Variants in ALG9 observed in about 807,000 individuals in gnomAD.
The protein encoded by ALG9 is ALG9 alpha-1,2-mannosyltransferase, also known as alpha-1,2-mannosyltransferase ALG9.
In ALG9, 55 loss-of-function variants were observed where a neutral mutation model predicts 81.8. The ratio of observed to expected loss-of-function variants is 0.67; its 90% CI spans 0.54 to 0.84. The LOEUF is 0.84. ALG9 is among the 40% of genes least tolerant of loss of function. ALG9 has a pLI of 0.00. For synonymous variants in ALG9, 278 were observed against 274.3 expected (o/e 1.01, Z -0.13); for missense variants, 629 against 745.0 (o/e 0.84, Z 1.81).
chr11:111,816,713 T>G (rs1302197760), intron 13 of ALG9, among the ~76,000 whole-genome samples: 5 of 152,134 alleles, frequency 3.3e-5, no homozygotes, highest in African/African-American at 1.2e-4. Context: ...TGTGCCACCA[T>G]GCCTGGCTAA....
chr11:111,773,337 C>T, the ALG9 span, among the ~76,000 whole-genome samples: 3 of 152,162 alleles, frequency 2.0e-5, no homozygotes, highest in East Asian at 5.8e-4. Context: ...TTCCACCTCC[C>T]GGGTCCAAGT....
chr11:111,792,343 G>A (rs1000443667), intron 14 of ALG9, among the ~76,000 whole-genome samples: 1 of 152,160 alleles, frequency 6.6e-6, no homozygotes, highest in Non-Finnish European at 1.5e-5. Flanking sequence ...AATGTTGGAT[G>A]GATGGAAGGA....
At chr11:111,851,035 T>C (rs531758665) in intron 8 of ALG9, among the ~76,000 whole-genome samples, 1 of 152,326 alleles carries the variant, frequency 6.6e-6, no homozygotes, top group Non-Finnish European at 1.5e-5. Context: ...AATGCCAATA[T>C]CCCAGGAAAG....
At chr11:111,811,871 G>GT (rs1178044387) in intron 13 of ALG9, among the ~76,000 whole-genome samples, 3 of 152,058 alleles carry the variant, frequency 2.0e-5, no homozygotes, top group East Asian at 1.9e-4. Flanking sequence ...ATGGGTATGG[G>GT]TTTTTTTGGG....
At chr11:111,845,619 C>A (rs1555128902) in intron 8 of ALG9, among the ~76,000 whole-genome samples, 1 of 152,164 alleles carries the variant, frequency 6.6e-6, no homozygotes, top group Non-Finnish European at 1.5e-5. Context: ...GAGAAACAGA[C>A]CCCCTCTGCA....
chr11:111,822,124 G>C (rs1445338492), intron 13 of ALG9, among the ~76,000 whole-genome samples: 5 of 152,180 alleles, frequency 3.3e-5, no homozygotes, highest in Non-Finnish European at 4.4e-5. Context: ...ATAATGCTCT[G>C]TGCTGGGCCC....
chr11:111,821,886 G>A (rs962318556), intron 13 of ALG9, among the ~76,000 whole-genome samples: 3 of 151,942 alleles, frequency 2.0e-5, no homozygotes, highest in South Asian at 2.1e-4. Flanking sequence ...CGCCTGCCTC[G>A]GCCTCCGAAA....
intron 1 of ALG9, chr11:111,870,885 G>A (rs1232768116): frequency 4.0e-6 from 4 of 999,124 alleles, no homozygotes; most frequent in African/African-American, 1.7e-5. Flanking sequence ...CTAGGTGCAA[G>A]GTACATAGCC....
chr11:111,786,435 G>A lies in ALG9; in HGVS notation c.1819C>T (p.Arg607Trp), dbSNP rs781849410. The change falls in exon 15 of 15, where the codon CGG (arginine) becomes TGG (tryptophan). Residue 607 changes from arginine (R) to tryptophan (W), a missense_variant. Physicochemically the swap from Arg to Trp is moderately radical, Grantham distance 101. Around this residue, in one of 3 missense-constraint regions of ALG9, gnomAD observed 264 missense variants for 302.2 expected, o/e 0.87. Transcript: ENST00000616540. ...VYVNYTILKP[R>W]KAKQIRKKSG... ...TTCTTCCTGATTTGCTTTGCTTTCC[G>A]GGGTTTGAGGATGGTGTAGTTTACG... 116 of 1,613,934 alleles carry A rather than the reference G, an allele frequency of 7.2e-5. No individual in the cohort carries two copies. The highest frequency in any genetic ancestry group is 1.2e-4 in the Admixed American group (7 of 59,972).
Position 111,854,355 on chromosome 11 carries a change from G to A in ALG9, c.702-619C>T, listed in dbSNP as rs535822761. On this transcript the variant is annotated intron_variant, in intron 6 of 14. Coordinates refer to ENST00000616540, the MANE Select transcript of ALG9 (RefSeq NM_024740.2). Reference sequence around the variant, plus strand: ...GTGATCTCAGCTCACTGCAACTGCCGCCTCCTGGGTTCAAGCAATTCTCCT... The same window carrying A: ...GTGATCTCAGCTCACTGCAACTGCCACCTCCTGGGTTCAAGCAATTCTCCT... Among the ~76,000 whole-genome samples the A allele has an allele frequency of 4.5e-4, 66 of 146,082 alleles. No individual in the cohort carries two copies. In the South Asian group the frequency reaches 0.01, roughly 22 times the overall value.
intron 14 of ALG9, among the ~76,000 whole-genome samples, chr11:111,807,327 GCCT>G (rs1950070719): frequency 6.6e-6 from 1 of 152,012 alleles, no homozygotes; most frequent in Admixed American, 6.6e-5. Context: ...AGCCTCACTG[GCCT>G]CCTGTTTCTT....
chr11:111,778,996 TAG>T (rs1326462013), downstream of ALG9, among the ~76,000 whole-genome samples: 1 of 152,120 alleles, frequency 6.6e-6, no homozygotes, highest in African/African-American at 2.4e-5. Context: ...GTATTTTTAG[TAG>T]AGACAGGGTT....
At chr11:111,871,305 G>A (rs1964219797) in intron 1 of ALG9, 47 bp downstream of exon 1, 3 of 1,381,070 alleles carry the variant, frequency 2.2e-6, no homozygotes, top group Non-Finnish European at 2.8e-6. Flanking sequence ...GGGCAGCCCC[G>A]AACCGCCCCG....
chr11:111,842,110 T>C (rs1201433360), intron 9 of ALG9, among the ~76,000 whole-genome samples: 2 of 152,154 alleles, frequency 1.3e-5, no homozygotes, highest in Non-Finnish European at 2.9e-5. Flanking sequence ...TTGGTCATGC[T>C]GGTCTTGAAC....
At chr11:111,808,179 A>C (rs1950205624) in intron 14 of ALG9, among the ~76,000 whole-genome samples, 1 of 152,232 alleles carries the variant, frequency 6.6e-6, no homozygotes, top group African/African-American at 2.4e-5. Context: ...CAGGCTACAA[A>C]AAGACTTACA....
intron 12 of ALG9, 107 bp downstream of exon 12, chr11:111,837,361 A>C (rs1435149584): frequency 7.5e-7 from 1 of 1,324,714 alleles, no homozygotes; most frequent in African/African-American, 1.5e-5. Flanking sequence ...ATAATTCAAT[A>C]ACTCTCTGTG....
intron 14 of ALG9, among the ~76,000 whole-genome samples, chr11:111,803,631 AAT>A (rs1158468402): frequency 6.6e-6 from 1 of 152,182 alleles, no homozygotes; most frequent in Admixed American, 6.5e-5. Flanking sequence ...AGTGAAACAG[AAT>A]AGAGAGCCCA....
chr11:111,853,915 G>A (rs1339505166), intron 6 of ALG9, among the ~76,000 whole-genome samples, 179 bp from the exon 7 acceptor site: 1 of 152,098 alleles, frequency 6.6e-6, no homozygotes, highest in African/African-American at 2.4e-5. Flanking sequence ...GTATCCCACT[G>A]ATGCACAAGA....
At chr11:111,857,150 G>A (rs7937547) in intron 6 of ALG9, among the ~76,000 whole-genome samples, 5,379 of 152,158 alleles carry the variant, frequency 0.035, 316 homozygotes, top group African/African-American at 0.12. Context: ...AGGAAGACGG[G>A]AGGAAACTCA....
Sources: allele counts gnomAD v4.1 joint callset (sites outside exome capture counted in the v4.1 genomes callset), GRCh38; gene constraint gnomAD v4.1.1; regional missense constraint gnomAD v4.1.1; transcripts MANE v1.5; gene names NCBI Gene and HGNC (gene_info 2026-07-23, HGNC 2026-07-21).